CSTPP1: variants seen among roughly 807,000 people sequenced by gnomAD.
CSTPP1 encodes centriolar satellite-associated tubulin polyglutamylase complex regulator 1.
the CSTPP1 span, among the ~76,000 whole-genome samples, chr11:47,151,895 T>C: frequency 1.3e-5 from 2 of 152,016 alleles, no homozygotes; most frequent in African/African-American, 4.8e-5. Context: ...ACTCTTCACC[T>C]GTAGAATGGA....
the CSTPP1 span, among the ~76,000 whole-genome samples, chr11:46,950,176 C>CTTTTTTTTTTT: frequency 7.3e-6 from 1 of 136,320 alleles, no homozygotes; most frequent in African/African-American, 2.7e-5. Flanking sequence ...TTTTTCTTTT[C>CTTTTTTTTTTT]TTTTTTTTTT....
At chr11:47,114,835 C>T in the CSTPP1 span, among the ~76,000 whole-genome samples, 1 of 152,164 alleles carries the variant, frequency 6.6e-6, no homozygotes, top group Non-Finnish European at 1.5e-5. Context: ...TTTCTCTTGC[C>T]TGATTGCCCT....
chr11:47,038,098 G>T, the CSTPP1 span, among the ~76,000 whole-genome samples: 1 of 77,882 alleles, frequency 1.3e-5, no homozygotes, highest in African/African-American at 3.2e-5. Flanking sequence ...TGGCCGGGCG[G>T]GGGGCTGACC....
the CSTPP1 span, among the ~76,000 whole-genome samples, chr11:47,158,296 T>C: frequency 6.6e-6 from 1 of 152,120 alleles, no homozygotes; most frequent in Non-Finnish European, 1.5e-5. Context: ...TGAATCCCAT[T>C]TATAAACAAG....
At chr11:47,046,421 T>A in the CSTPP1 span, among the ~76,000 whole-genome samples, 1 of 151,974 alleles carries the variant, frequency 6.6e-6, no homozygotes, top group Non-Finnish European at 1.5e-5. Context: ...AAAGCAATTC[T>A]GTTTAAAAGA....
chr11:47,162,174 C>T, the CSTPP1 span: 2 of 985,574 alleles, frequency 2.0e-6, no homozygotes, highest in Non-Finnish European at 1.2e-6. Context: ...AAAACTGCTT[C>T]AAGTCTTGAC....
chr11:47,002,044 C>A, the CSTPP1 span, among the ~76,000 whole-genome samples: 135 of 152,258 alleles, frequency 8.9e-4, 1 homozygote, highest in African/African-American at 3.1e-3. Flanking sequence ...CTATTATAGA[C>A]TTCTTCAAAA....
the CSTPP1 span, among the ~76,000 whole-genome samples, chr11:46,957,712 CTG>C: frequency 6.6e-6 from 1 of 152,204 alleles, no homozygotes; most frequent in Non-Finnish European, 1.5e-5. Context: ...TGTCTCATCT[CTG>C]TTCTATCTCT....
the CSTPP1 span, among the ~76,000 whole-genome samples, chr11:46,996,165 G>A: frequency 4.6e-5 from 7 of 152,104 alleles, no homozygotes; most frequent in Non-Finnish European, 7.4e-5. Context: ...TTGAGCCTAT[G>A]TGTGTCTCTG....
the CSTPP1 span, among the ~76,000 whole-genome samples, chr11:47,010,238 C>G: frequency 6.6e-6 from 1 of 152,122 alleles, no homozygotes; most frequent in African/African-American, 2.4e-5. Flanking sequence ...TTTAGTGTGC[C>G]TTGGCAAAAA....
the CSTPP1 span, among the ~76,000 whole-genome samples, chr11:47,039,793 C>T: frequency 3.1e-5 from 4 of 128,174 alleles, 1 homozygote; most frequent in African/African-American, 4.9e-5. Context: ...GAGCCGAGAT[C>T]GTGCCACTGC....
chr11:47,126,295 A>G, the CSTPP1 span, among the ~76,000 whole-genome samples: 1 of 152,204 alleles, frequency 6.6e-6, no homozygotes, highest in South Asian at 2.1e-4. Context: ...ATAGAAAGAG[A>G]TGGAATAGCT....
the CSTPP1 span, chr11:47,164,122 C>A: frequency 6.2e-7 from 1 of 1,613,520 alleles, no homozygotes; most frequent in Non-Finnish European, 8.5e-7. Flanking sequence ...CACCGGACCT[C>A]ACGGCAGCAC....
At chr11:47,131,255 A>G in the CSTPP1 span, among the ~76,000 whole-genome samples, 1 of 152,148 alleles carries the variant, frequency 6.6e-6, no homozygotes, top group African/African-American at 2.4e-5. Flanking sequence ...CAAAGGTACC[A>G]TTTCCCAGGA....
chr11:46,959,387 C>T, the CSTPP1 span, among the ~76,000 whole-genome samples: 1 of 152,026 alleles, frequency 6.6e-6, no homozygotes, highest in Non-Finnish European at 1.5e-5. Flanking sequence ...AGTAGGGCAC[C>T]TCTGTCTTCA....
the CSTPP1 span, among the ~76,000 whole-genome samples, chr11:47,005,466 G>A: frequency 1.3e-5 from 2 of 152,098 alleles, no homozygotes; most frequent in Non-Finnish European, 1.5e-5. Flanking sequence ...TTATATAATG[G>A]CATTAAGTTA....
the CSTPP1 span, among the ~76,000 whole-genome samples, chr11:47,011,703 C>G: frequency 1.9e-3 from 289 of 152,216 alleles, 1 homozygote; most frequent in African/African-American, 6.5e-3. Context: ...ATTGTGTAAT[C>G]AGCTTATTTC....
chr11:47,091,217 C>T, the CSTPP1 span, among the ~76,000 whole-genome samples: 1 of 150,782 alleles, frequency 6.6e-6, no homozygotes, highest in Non-Finnish European at 1.5e-5. Flanking sequence ...CGGTGAAACC[C>T]CATCTCTACT....
At chr11:47,111,234 A>G in the CSTPP1 span, among the ~76,000 whole-genome samples, 1 of 152,134 alleles carries the variant, frequency 6.6e-6, no homozygotes, top group Non-Finnish European at 1.5e-5. Flanking sequence ...GCTTCTCAGA[A>G]GTTATCCTTT....
Sources: allele counts gnomAD v4.1 joint callset (sites outside exome capture counted in the v4.1 genomes callset), GRCh38; gene constraint gnomAD v4.1.1; transcripts MANE v1.5; gene names NCBI Gene and HGNC (gene_info 2026-07-23, HGNC 2026-07-21).